PLCE1: variants seen among roughly 807,000 people sequenced by gnomAD.
The protein encoded by PLCE1 is phospholipase C epsilon 1.
PLCE1 carries 119 observed loss-of-function variants against 242.8 expected under a neutral mutation model. The observed-to-expected ratio is 0.49, with a 90% CI of 0.42 to 0.57. The LOEUF (loss-of-function observed/expected upper bound fraction) is 0.57. Ranked by LOEUF, PLCE1 falls within the 20% of genes least tolerant of loss-of-function variation. The probability of loss-of-function intolerance (pLI) is 0.00; values close to 1 mark genes in which losing one functional copy is unlikely to be tolerated. For missense variants in PLCE1, 2,441 were observed against 2,788.8 expected (o/e 0.88, Z 2.81); for synonymous variants, 945 against 1,017.4 (o/e 0.93, Z 1.35).
intron 4 of PLCE1, among the ~76,000 whole-genome samples, chr10:94,200,162 G>A (rs991580413): frequency 1.3e-5 from 2 of 152,186 alleles, no homozygotes; most frequent in Admixed American, 1.3e-4. Context: ...TGTCATCTGA[G>A]AGGGCATAGA....
intron 1 of PLCE1, among the ~76,000 whole-genome samples, chr10:94,009,858 G>A (rs929533997): frequency 3.3e-5 from 5 of 152,260 alleles, no homozygotes; most frequent in Admixed American, 2.0e-4. Flanking sequence ...GCAGGTTGGA[G>A]TCTGCTATCT....
At chr10:94,297,590 T>TTAAAAA (rs2052878991) in intron 23 of PLCE1, among the ~76,000 whole-genome samples, 1 of 56,568 alleles carries the variant, frequency 1.8e-5, no homozygotes, top group East Asian at 5.5e-4. Context: ...TTTAAATTTG[T>TTAAAAA]AAAAAAAAAA....
In PLCE1 at chr10:94,227,458, T is replaced by C; in HGVS notation, c.1955+7T>C. The C allele has an allele frequency of 6.2e-7, 1 of 1,613,010 alleles. No individual in the cohort carries two copies. Among genetic ancestry groups the C allele is most frequent in the Non-Finnish European group, 8.5e-7 (1 of 1,178,964 alleles). On this transcript the variant is annotated splice_region_variant and intron_variant, in intron 5 of 32. Transcript: ENST00000371380. Reference sequence around the variant, plus strand: ...AGTTCTTGGCTGGCCTCAGGTATAGTCAGTGGGGAATATGGTTATCTTGGC... The same window carrying C: ...AGTTCTTGGCTGGCCTCAGGTATAGCCAGTGGGGAATATGGTTATCTTGGC...
intron 4 of PLCE1, among the ~76,000 whole-genome samples, chr10:94,222,449 A>G (rs1054219414): frequency 6.6e-6 from 1 of 152,222 alleles, no homozygotes; most frequent in Non-Finnish European, 1.5e-5. Flanking sequence ...ACCCGTGAGC[A>G]TAGCAGATCC....
chr10:94,093,981 G>T (rs1285702425), intron 2 of PLCE1, among the ~76,000 whole-genome samples: 1 of 115,810 alleles, frequency 8.6e-6, no homozygotes, highest in South Asian at 2.8e-4. Context: ...TCGCTCTGTC[G>T]CCCAGGCTGG....
intron 2 of PLCE1, among the ~76,000 whole-genome samples, chr10:94,036,322 G>A (rs1025876667): frequency 6.6e-6 from 1 of 152,158 alleles, no homozygotes; most frequent in African/African-American, 2.4e-5. Flanking sequence ...ACAGTGGTAT[G>A]AATTTGAATT....
intron 2 of PLCE1, among the ~76,000 whole-genome samples, chr10:94,083,631 G>A (rs1317269422): frequency 6.6e-6 from 1 of 152,226 alleles, no homozygotes; most frequent in Admixed American, 6.5e-5. Context: ...TTTGCTAGAA[G>A]TATTTTTCCT....
At chr10:94,174,293 G>A (rs2048065338) in intron 4 of PLCE1, among the ~76,000 whole-genome samples, 1 of 152,172 alleles carries the variant, frequency 6.6e-6, no homozygotes, top group East Asian at 1.9e-4. Context: ...TGGGGTTGGG[G>A]AGTAGGGACA....
intron 4 of PLCE1, among the ~76,000 whole-genome samples, chr10:94,195,133 A>T (rs1039663116): frequency 2.6e-5 from 4 of 152,206 alleles, no homozygotes; most frequent in African/African-American, 7.2e-5. Context: ...CACATTTAAT[A>T]TGATTTGAAA....
At chr10:94,036,150 G>A (rs912660572) in intron 2 of PLCE1, among the ~76,000 whole-genome samples, 21 of 152,150 alleles carry the variant, frequency 1.4e-4, no homozygotes, top group African/African-American at 4.8e-4. Context: ...TTTATAAACT[G>A]AGAATAATGG....
At chr10:94,169,021 TTAGA>T (rs1476637593) in intron 3 of PLCE1, among the ~76,000 whole-genome samples, 1 of 152,168 alleles carries the variant, frequency 6.6e-6, no homozygotes, top group East Asian at 1.9e-4. Context: ...TAATATGAGC[TTAGA>T]TAGAACCAAA....
chr10:94,274,350 A>G (rs1317602176), intron 19 of PLCE1, among the ~76,000 whole-genome samples: 12 of 152,230 alleles, frequency 7.9e-5, no homozygotes, highest in Non-Finnish European at 5.9e-5. Context: ...GTCCTAAAAC[A>G]TCACTTTGGA....
chr10:94,055,643 C>T (rs982588769), intron 2 of PLCE1, among the ~76,000 whole-genome samples: 1 of 152,022 alleles, frequency 6.6e-6, no homozygotes, highest in Non-Finnish European at 1.5e-5. Context: ...AGTTGTACTT[C>T]CTAGGTGTAA....
chr10:94,058,944 T>C (rs2043976136), intron 2 of PLCE1, among the ~76,000 whole-genome samples: 1 of 152,198 alleles, frequency 6.6e-6, no homozygotes, highest in South Asian at 2.1e-4. Flanking sequence ...TCTTTACTCA[T>C]GAATTTTTGC....
At chr10:94,113,550 G>A (rs1450281259) in intron 2 of PLCE1, among the ~76,000 whole-genome samples, 2 of 152,194 alleles carry the variant, frequency 1.3e-5, no homozygotes, top group Non-Finnish European at 2.9e-5. Flanking sequence ...AGAATGTACT[G>A]TATGCCAGGC....
chr10:94,050,384 A>G (rs2043729681), intron 2 of PLCE1, among the ~76,000 whole-genome samples: 1 of 152,114 alleles, frequency 6.6e-6, no homozygotes, highest in South Asian at 2.1e-4. Flanking sequence ...CTATCATGAG[A>G]ACAGCATGGG....
At chr10:94,007,978 G>A (rs2061079636) in intron 1 of PLCE1, among the ~76,000 whole-genome samples, 1 of 150,236 alleles carries the variant, frequency 6.7e-6, no homozygotes, top group Non-Finnish European at 1.5e-5. Flanking sequence ...AGGAGTTCGA[G>A]GCCAGCATGG....
chr10:94,199,476 AC>A (rs929165992), intron 4 of PLCE1, among the ~76,000 whole-genome samples: 3 of 152,232 alleles, frequency 2.0e-5, no homozygotes, highest in African/African-American at 7.2e-5. Context: ...TGCTTTGTGA[AC>A]CATAAAGTGC....
At chr10:94,227,600 C>A (rs2049991870) in intron 5 of PLCE1, 149 bp downstream of exon 5, 3 of 829,148 alleles carry the variant, frequency 3.6e-6, no homozygotes, top group Non-Finnish European at 6.2e-6. Context: ...CTTTCAGCAC[C>A]AAAGGCCCTG....
Sources: gnomAD v4.1 joint callset for allele counts (sites outside exome capture counted in the v4.1 genomes callset) on GRCh38, gnomAD v4.1.1 for gene constraint, MANE v1.5 for transcripts, NCBI Gene and HGNC (gene_info 2026-07-23, HGNC 2026-07-21) for gene names.